The following FXYD6 variants were observed in gnomAD, a reference collection of about 807,000 sequenced individuals.
FXYD6 encodes FXYD domain containing ion transport regulator 6, also known as FXYD domain-containing ion transport regulator 6.
Under a neutral mutation model 16.7 loss-of-function variants are expected in FXYD6, and 7 were observed. That is an observed-to-expected ratio of 0.42 (90% CI 0.24 to 0.79). FXYD6 has a LOEUF of 0.79. Ranked by LOEUF, FXYD6 falls within the 30% of genes least tolerant of loss-of-function variation. The pLI, the probability that FXYD6 is intolerant of heterozygous loss-of-function variation, is 0.28. For synonymous variants in FXYD6, 49 were observed against 43.0 expected, an observed-to-expected ratio of 1.14 and a Z score of -0.54; for missense variants, 111 against 116.2, an observed-to-expected ratio of 0.95 and a Z score of 0.21.
At chr11:117,857,853 C>T (rs2056771215) in intron 1 of FXYD6, among the ~76,000 whole-genome samples, 1 of 152,118 alleles carries the variant, frequency 6.6e-6, no homozygotes, top group African/African-American at 2.4e-5. Context: ...GCCTCCTTAG[C>T]CCTCTGTTTC....
chr11:117,842,295 T>C, intron 2 of FXYD6: 3 of 586,020 alleles, frequency 5.1e-6, no homozygotes, highest in Non-Finnish European at 9.1e-6. Context: ...TTTGTATTCT[T>C]ACATCATCCC....
At chr11:117,868,365 A>G (rs1473554488) in intron 1 of FXYD6, among the ~76,000 whole-genome samples, 2 of 152,180 alleles carry the variant, frequency 1.3e-5, no homozygotes, top group Non-Finnish European at 2.9e-5. Flanking sequence ...TCTTGGTGTG[A>G]TGTGATGAAA....
chr11:117,871,076 ATC>A (rs1344205899), intron 1 of FXYD6, among the ~76,000 whole-genome samples: 5 of 152,134 alleles, frequency 3.3e-5, no homozygotes, highest in Non-Finnish European at 7.3e-5. Flanking sequence ...CTCATTTCTA[ATC>A]TCTGTGTCTC....
chr11:117,866,301 T>C (rs562224764), intron 1 of FXYD6, among the ~76,000 whole-genome samples: 1 of 152,092 alleles, frequency 6.6e-6, no homozygotes, highest in African/African-American at 2.4e-5. Flanking sequence ...TTTTATGGTA[T>C]GTGTATTTTA....
intron 1 of FXYD6, among the ~76,000 whole-genome samples, chr11:117,864,151 G>C (rs961359454): frequency 6.6e-6 from 1 of 152,122 alleles, no homozygotes; most frequent in South Asian, 2.1e-4. Context: ...AAAAAATCCT[G>C]AAAAAGAACA....
intron 6 of FXYD6, 90 bp from the exon 7 acceptor site, chr11:117,839,920 G>C (rs1041844404): frequency 6.5e-7 from 1 of 1,548,614 alleles, no homozygotes; most frequent in African/African-American, 1.4e-5. Context: ...GCCTGACTCT[G>C]GGGGAGCAAA....
chr11:117,859,554 T>A (rs1196166962), intron 1 of FXYD6, among the ~76,000 whole-genome samples: 1 of 152,224 alleles, frequency 6.6e-6, no homozygotes, highest in Non-Finnish European at 1.5e-5. Flanking sequence ...CTATTCTTAG[T>A]GCTTTAAATG....
chr11:117,863,205 T>C (rs1191632398), intron 1 of FXYD6, among the ~76,000 whole-genome samples: 1 of 152,176 alleles, frequency 6.6e-6, no homozygotes, highest in Admixed American at 6.5e-5. Flanking sequence ...CCACTCTTTC[T>C]TGCTGCCTCC....
At chr11:117,843,550 C>T (rs2056406957) in intron 1 of FXYD6, 1 of 152,170 alleles carries the variant, frequency 6.6e-6, no homozygotes, top group South Asian at 2.1e-4. Flanking sequence ...CTAAATGGGG[C>T]CAGTAAACCA....
chr11:117,863,859 C>G (rs184661587), intron 1 of FXYD6, among the ~76,000 whole-genome samples: 169 of 152,148 alleles, frequency 1.1e-3, no homozygotes, highest in African/African-American at 3.9e-3. Flanking sequence ...AACTCCATAT[C>G]ATAATATCAA....
intron 1 of FXYD6, among the ~76,000 whole-genome samples, chr11:117,851,935 A>G (rs1326473376): frequency 2.0e-5 from 3 of 152,216 alleles, no homozygotes; most frequent in Non-Finnish European, 1.5e-5. Context: ...ATGGTGTTAT[A>G]TCATATAAGA....
At chr11:117,840,231 A>G in intron 6 of FXYD6, 88 bp downstream of exon 6, 2 of 1,573,694 alleles carry the variant, frequency 1.3e-6, no homozygotes, top group Admixed American at 1.7e-5. Context: ...CTGGCTGGCC[A>G]TGCACCTGGC....
At chr11:117,858,766 TTCC>T (rs2056831583) in intron 1 of FXYD6, among the ~76,000 whole-genome samples, 1 of 139,444 alleles carries the variant, frequency 7.2e-6, no homozygotes, top group African/African-American at 2.7e-5. Flanking sequence ...CCTTCCTTCC[TTCC>T]TTCCTTCCTT....
At chr11:117,842,868 C>T in intron 1 of FXYD6, 87 bp from the exon 2 acceptor site, 3 of 1,385,556 alleles carry the variant, frequency 2.2e-6, no homozygotes, top group Non-Finnish European at 3.0e-6. Context: ...AGGGGCCAAG[C>T]CAAATCCCCA....
At chr11:117,858,416 C>T (rs76889142) in intron 1 of FXYD6, 1 of 152,590 alleles carries the variant, frequency 6.6e-6, no homozygotes, top group East Asian at 1.9e-4. Context: ...CCCTCACTCC[C>T]TCTCCATGTC....
intron 1 of FXYD6, among the ~76,000 whole-genome samples, chr11:117,869,731 G>C (rs746378382): frequency 7.9e-5 from 12 of 152,194 alleles, no homozygotes; most frequent in Non-Finnish European, 1.8e-4. Flanking sequence ...AAAGAAATAA[G>C]GCCTCTTCCT....
At chr11:117,838,569 T>C in intron 7 of FXYD6, 1 of 403,486 alleles carries the variant, frequency 2.5e-6, no homozygotes, top group African/African-American at 2.0e-5. Context: ...AAAGAACTAG[T>C]TTGGGAAAAA....
chr11:117,844,518 T>A (rs2056429338), intron 1 of FXYD6, among the ~76,000 whole-genome samples: 1 of 152,122 alleles, frequency 6.6e-6, no homozygotes, highest in Non-Finnish European at 1.5e-5. Context: ...ATTTTGAGAC[T>A]GAGTCTCCCT....
intron 1 of FXYD6, 61 bp from the exon 2 acceptor site, chr11:117,842,842 A>C (rs663694): frequency 4.5e-5 from 69 of 1,535,804 alleles, no homozygotes; most frequent in Non-Finnish European, 5.6e-5. Context: ...CGTCAGCTCC[A>C]AGCGTCAGCC....
Sources: allele counts gnomAD v4.1 joint callset (sites outside exome capture counted in the v4.1 genomes callset), GRCh38; gene constraint gnomAD v4.1.1; transcripts MANE v1.5; gene names NCBI Gene and HGNC (gene_info 2026-07-23, HGNC 2026-07-21).